The following SCG5 variants were observed in gnomAD, a reference collection of about 807,000 sequenced individuals.
SCG5 encodes neuroendocrine protein 7B2.
Under a neutral mutation model 25.7 loss-of-function variants are expected in SCG5, and 18 were observed. The ratio of observed to expected loss-of-function variants is 0.70; its 90% confidence interval spans 0.48 to 1.04. SCG5 has a LOEUF of 1.04. Among genes scored for constraint, SCG5 ranks in the 50% least tolerant of loss-of-function variants. SCG5 has a pLI of 0.00. For synonymous variants in SCG5, 101 were observed against 91.7 expected, an observed-to-expected ratio of 1.10 and a Z score of -0.58; for missense variants, 206 against 259.8, an observed-to-expected ratio of 0.79 and a Z score of 1.42.
chr15:32,686,818 G>T (rs937825248), intron 4 of SCG5, among the ~76,000 whole-genome samples: 3 of 152,190 alleles, frequency 2.0e-5, no homozygotes, highest in African/African-American at 7.2e-5. Flanking sequence ...TCCCACGGTT[G>T]AGATGAATTG....
intron 2 of SCG5, among the ~76,000 whole-genome samples, chr15:32,675,704 TCTC>T (rs940370760): frequency 2.6e-5 from 4 of 152,152 alleles, no homozygotes; most frequent in Non-Finnish European, 5.9e-5. Context: ...GCTAGATACT[TCTC>T]CTCTACACAA....
intron 2 of SCG5, among the ~76,000 whole-genome samples, chr15:32,678,779 G>T (rs896894140): frequency 5.9e-5 from 9 of 152,138 alleles, no homozygotes; most frequent in African/African-American, 1.7e-4. Flanking sequence ...CACAATAGGG[G>T]ATTGGTTAAT....
chr15:32,696,289 T>C (rs1366797447), intron 5 of SCG5, among the ~76,000 whole-genome samples: 1 of 152,116 alleles, frequency 6.6e-6, no homozygotes, highest in Non-Finnish European at 1.5e-5. Context: ...GGCTAATTTT[T>C]TGTATTTTTA....
intron 2 of SCG5, among the ~76,000 whole-genome samples, chr15:32,658,754 G>A (rs992552617): frequency 2.0e-5 from 3 of 152,208 alleles, no homozygotes; most frequent in Non-Finnish European, 4.4e-5. Context: ...TAGTAGCAGT[G>A]GCATTGGATG....
Position 32,691,981 on chromosome 15 carries a change from G to A in SCG5, c.543+218G>A, listed in dbSNP as rs116925365. 9.7e-4 allele frequency: 1,383 copies of A among 1,419,600 alleles called. 10 individuals are homozygous for A. In the East Asian group the frequency reaches 0.019, roughly 19 times the overall value. 87.9% of individuals were successfully genotyped at this position (1,419,600 alleles called of 1,614,324 possible). A position where few individuals can be genotyped will look rare whatever the true frequency, so the allele number is the denominator to read the frequency against. ...TTTAGCAGATGATTTTTAGTGGAAC[G>A]CGCAGTCTGTAGCAATTCTAGCAAC... On this transcript the variant is annotated intron_variant, in intron 5 of 5. Transcript: ENST00000300175.
At chr15:32,650,777 C>T (rs1487740067) in intron 2 of SCG5, among the ~76,000 whole-genome samples, 1 of 152,234 alleles carries the variant, frequency 6.6e-6, no homozygotes, top group African/African-American at 2.4e-5. Context: ...ATTTTCCCCA[C>T]AGTTCTAGGC....
intron 2 of SCG5, among the ~76,000 whole-genome samples, chr15:32,661,654 A>G (rs2054220934): frequency 6.6e-6 from 1 of 152,088 alleles, no homozygotes; most frequent in Admixed American, 6.5e-5. Context: ...ACATCTCCAG[A>G]CATTGTCAAA....
chr15:32,679,952 G>A (rs775449914), intron 3 of SCG5, 37 bp downstream of exon 3: 1 of 1,556,682 alleles, frequency 6.4e-7, no homozygotes, highest in South Asian at 1.2e-5. Flanking sequence ...TGAAAAGTTG[G>A]GGCTTTGGAA....
At chr15:32,674,283 T>C (rs1185539029) in intron 2 of SCG5, among the ~76,000 whole-genome samples, 1 of 152,224 alleles carries the variant, frequency 6.6e-6, no homozygotes, top group East Asian at 1.9e-4. Flanking sequence ...AAGAGATAAG[T>C]GAGATGGTAC....
chr15:32,676,396 T>G (rs2054531022), intron 2 of SCG5, among the ~76,000 whole-genome samples: 1 of 152,196 alleles, frequency 6.6e-6, no homozygotes, highest in South Asian at 2.1e-4. Context: ...TAATGGAGCA[T>G]TAAGACACGC....
rs2054135290 is a variant in SCG5, at chr15:32,657,209, A to ATATGTATATATATATATATATATG, written c.226+13398_226+13399insATATATATATATATATGTATGTAT. Among the ~76,000 whole-genome samples the ATATGTATATATATATATATATATG allele has an allele frequency of 5.4e-4, 21 of 38,726 alleles. 6 individuals carry two copies. Among genetic ancestry groups the ATATGTATATATATATATATATATG allele is most frequent in the African/African-American group, 3.5e-4 (6 of 17,310 alleles). 25.4% of individuals were successfully genotyped at this position (38,726 alleles called of 152,430 possible). A position where few individuals can be genotyped will look rare whatever the true frequency, so the allele number is the denominator to read the frequency against. On this transcript the variant is annotated intron_variant, in intron 2 of 5. Transcript: ENST00000300175. Reference sequence around the variant, plus strand: ...TTCTTTCATCCTCCTGTATATATATATATGTATGTATTTCCAGGTGTAAGT... The same window carrying ATATGTATATATATATATATATATG: ...TTCTTTCATCCTCCTGTATATATATATATGTATATATATATATATATATGTATGTATGTATTTCCAGGTGTAAGT...
intron 2 of SCG5, among the ~76,000 whole-genome samples, chr15:32,648,954 G>A (rs1179726813): frequency 6.6e-6 from 1 of 152,128 alleles, no homozygotes; most frequent in African/African-American, 2.4e-5. Flanking sequence ...TGTGTTTTTA[G>A]TAGAGACGGG....
intron 3 of SCG5, 169 bp from the exon 4 acceptor site, chr15:32,684,388 G>A (rs998634366): frequency 2.3e-5 from 14 of 597,632 alleles, no homozygotes; most frequent in Non-Finnish European, 4.2e-5. Flanking sequence ...TTTGAGATGA[G>A]TAATCCTATC....
chr15:32,689,841 CTTTT>C (rs537073829), intron 4 of SCG5, among the ~76,000 whole-genome samples: 2 of 135,036 alleles, frequency 1.5e-5, no homozygotes. Flanking sequence ...TTTTGCATTT[CTTTT>C]TTTTTTTTTT....
chr15:32,648,771 CTTTTTT>C (rs67887619), intron 2 of SCG5, among the ~76,000 whole-genome samples: 1 of 111,528 alleles, frequency 9.0e-6, no homozygotes, highest in African/African-American at 3.9e-5. Context: ...TTGCAGTCTC[CTTTTTT>C]TTTTTTAAAA....
chr15:32,687,646 T>C (rs1004225151), intron 4 of SCG5, among the ~76,000 whole-genome samples: 3 of 152,204 alleles, frequency 2.0e-5, no homozygotes, highest in South Asian at 2.1e-4. Context: ...TCTTTCATGA[T>C]AGAACAGCAC....
chr15:32,658,942 C>T lies in SCG5; in HGVS notation c.226+15124C>T, dbSNP rs544989178. ...CCGTAATCCCAGCACTTTGGGAGGC[C>T]GAGGCGGGTGGATCCCGAGGTCAGG... On this transcript the variant is annotated intron_variant, in intron 2 of 5. Coordinates refer to ENST00000300175, the MANE Select transcript of SCG5 (RefSeq NM_001144757.3). Among the ~76,000 whole-genome samples the T allele has an allele frequency of 2.1e-4, 32 of 152,196 alleles. No individual in the cohort carries two copies. In the East Asian group the frequency reaches 2.7e-3, roughly 13 times the overall value.
At position 32,696,706 on chromosome 15, in the gene SCG5, C is replaced by G; in HGVS notation, c.*97C>G. On this transcript the variant is annotated 3_prime_UTR_variant, in exon 6 of 6. Coordinates refer to ENST00000300175, the MANE Select transcript of SCG5 (RefSeq NM_001144757.3). ...AGTCCCTGTGAATGACAGCATGTTTCTTACATAGATAATTATGGATACAAA... is the reference window on the plus strand; with the variant it reads ...AGTCCCTGTGAATGACAGCATGTTTGTTACATAGATAATTATGGATACAAA... 1 of 722,254 alleles carries G rather than the reference C, an allele frequency of 1.4e-6. No homozygotes were observed. Among genetic ancestry groups the G allele is most frequent in the Non-Finnish European group, 2.5e-6 (1 of 403,808 alleles). 44.7% of individuals were successfully genotyped at this position (722,254 alleles called of 1,614,324 possible).
At chr15:32,664,487 G>A (rs780749769) in intron 2 of SCG5, among the ~76,000 whole-genome samples, 2 of 152,196 alleles carry the variant, frequency 1.3e-5, no homozygotes, top group African/African-American at 4.8e-5. Context: ...CCAAGATGGC[G>A]TTTGTATACC....
Sources: gnomAD v4.1 joint callset for allele counts (sites outside exome capture counted in the v4.1 genomes callset) on GRCh38, gnomAD v4.1.1 for gene constraint, MANE v1.5 for transcripts, NCBI Gene and HGNC (gene_info 2026-07-23, HGNC 2026-07-21) for gene names.